The following ANGPT1 variants were observed in gnomAD, a reference collection of about 807,000 sequenced individuals.
ANGPT1 encodes angiopoietin 1.
ANGPT1 carries 17 observed loss-of-function variants against 62.2 expected under a neutral mutation model. That is an observed-to-expected ratio of 0.27 (90% CI 0.19 to 0.41). The LOEUF is 0.41. Among genes scored for constraint, ANGPT1 ranks in the 10% least tolerant of loss-of-function variants. The pLI is 1.00. For synonymous variants in ANGPT1, 199 were observed against 198.9 expected, an observed-to-expected ratio of 1.00 and a Z score of 0.00; for missense variants, 478 against 594.9, an observed-to-expected ratio of 0.80 and a Z score of 2.04.
chr8:107,375,022 T>G (rs1816500293), intron 1 of ANGPT1, among the ~76,000 whole-genome samples: 1 of 152,016 alleles, frequency 6.6e-6, no homozygotes, highest in African/African-American at 2.4e-5. Context: ...CAGCTGGGCG[T>G]GGTGGCACGC....
intron 1 of ANGPT1, among the ~76,000 whole-genome samples, chr8:107,416,086 G>A (rs1810735071): frequency 6.6e-6 from 1 of 152,052 alleles, no homozygotes; most frequent in Non-Finnish European, 1.5e-5. Context: ...CATATACCAA[G>A]CAATCAATCA....
intron 1 of ANGPT1, among the ~76,000 whole-genome samples, chr8:107,486,910 G>A (rs1167801642): frequency 2.0e-5 from 3 of 152,264 alleles, no homozygotes; most frequent in African/African-American, 4.8e-5. Flanking sequence ...CATCTTCCTA[G>A]TACCTTGCAG....
At chr8:107,424,131 G>A (rs1202504507) in intron 1 of ANGPT1, among the ~76,000 whole-genome samples, 2 of 148,338 alleles carry the variant, frequency 1.3e-5, no homozygotes, top group African/African-American at 2.5e-5. Flanking sequence ...GTGAGCCACT[G>A]TGCCTGACCC....
At chr8:107,317,242 C>A (rs967949149) in intron 4 of ANGPT1, among the ~76,000 whole-genome samples, 1 of 152,218 alleles carries the variant, frequency 6.6e-6, no homozygotes, top group Non-Finnish European at 1.5e-5. Context: ...ATCTTTTCTT[C>A]TTCCCAGTAG....
intron 3 of ANGPT1, among the ~76,000 whole-genome samples, chr8:107,325,512 C>T (rs1475340424): frequency 1.3e-5 from 2 of 152,088 alleles, no homozygotes; most frequent in Non-Finnish European, 2.9e-5. Context: ...TTCTGAATTA[C>T]CATTTTGTAC....
chr8:107,326,883 G>C (rs1586226773), intron 3 of ANGPT1, among the ~76,000 whole-genome samples: 2 of 152,102 alleles, frequency 1.3e-5, no homozygotes, highest in African/African-American at 4.8e-5. Context: ...TAAGTTGTTA[G>C]ACTGGAAATC....
intron 4 of ANGPT1, among the ~76,000 whole-genome samples, chr8:107,315,632 C>A (rs1475158487): frequency 6.6e-6 from 1 of 151,928 alleles, no homozygotes; most frequent in East Asian, 1.9e-4. Flanking sequence ...CTATATTTTT[C>A]TTTCGGTCTC....
chr8:107,449,151 C>T (rs1004497302), intron 1 of ANGPT1, among the ~76,000 whole-genome samples: 30 of 152,044 alleles, frequency 2.0e-4, no homozygotes, highest in Non-Finnish European at 3.7e-4. Context: ...GATGCCTGTT[C>T]ATTTACTTGT....
chr8:107,266,064 A>G (rs1414144620), intron 7 of ANGPT1, among the ~76,000 whole-genome samples: 1 of 152,176 alleles, frequency 6.6e-6, no homozygotes, highest in Non-Finnish European at 1.5e-5. Flanking sequence ...CTAATGTTGA[A>G]TTATCACATA....
At chr8:107,272,487 G>A (rs1005413810) in intron 7 of ANGPT1, among the ~76,000 whole-genome samples, 1 of 151,894 alleles carries the variant, frequency 6.6e-6, no homozygotes, top group African/African-American at 2.4e-5. Context: ...TAGATAAAAT[G>A]AGCTTATCAA....
At chr8:107,370,340 AAAAGAAAG>A (rs71308727) in intron 1 of ANGPT1, among the ~76,000 whole-genome samples, 1,769 of 54,358 alleles carry the variant, frequency 0.033, 198 homozygotes, top group Middle Eastern at 0.1. Flanking sequence ...GAAAGAAAGA[AAAAGAAAG>A]AAAGAAAGAA....
At chr8:107,383,293 A>T (rs570058957) in intron 1 of ANGPT1, among the ~76,000 whole-genome samples, 1 of 152,264 alleles carries the variant, frequency 6.6e-6, no homozygotes, top group East Asian at 1.9e-4. Flanking sequence ...TTCAAAGCAG[A>T]GCTCCAAGAA....
At chr8:107,359,807 T>C (rs974460556) in intron 1 of ANGPT1, among the ~76,000 whole-genome samples, 2 of 152,218 alleles carry the variant, frequency 1.3e-5, no homozygotes, top group Admixed American at 1.3e-4. Context: ...AGTGACGATC[T>C]CTGGCTGACG....
At chr8:107,266,239 G>A (rs1563541131) in intron 7 of ANGPT1, among the ~76,000 whole-genome samples, 2 of 152,274 alleles carry the variant, frequency 1.3e-5, no homozygotes, top group South Asian at 4.1e-4. Flanking sequence ...AGGGAGTTCT[G>A]GGACATGTTA....
At chr8:107,383,233 G>T (rs1563597491) in intron 1 of ANGPT1, among the ~76,000 whole-genome samples, 1 of 152,084 alleles carries the variant, frequency 6.6e-6, no homozygotes, top group Admixed American at 6.6e-5. Flanking sequence ...GGCTCCTTTG[G>T]ACTTCATCTC....
At chr8:107,445,427 A>G (rs1291854202) in intron 1 of ANGPT1, among the ~76,000 whole-genome samples, 1 of 152,212 alleles carries the variant, frequency 6.6e-6, no homozygotes, top group Non-Finnish European at 1.5e-5. Flanking sequence ...TTCAAGAGTT[A>G]TAATTTTTAG....
intron 1 of ANGPT1, among the ~76,000 whole-genome samples, chr8:107,358,805 A>G (rs996885075): frequency 2.6e-5 from 4 of 152,190 alleles, no homozygotes; most frequent in African/African-American, 9.6e-5. Context: ...GGTTCTTATG[A>G]TCATGAAATG....
chr8:107,393,517 T>A (rs1357372161), intron 1 of ANGPT1, among the ~76,000 whole-genome samples: 2 of 151,980 alleles, frequency 1.3e-5, no homozygotes, highest in Non-Finnish European at 2.9e-5. Flanking sequence ...TTAAAAAAAA[T>A]TAGGGGGATG....
chr8:107,257,023 A>T (rs1332362026), intron 8 of ANGPT1, among the ~76,000 whole-genome samples: 1 of 151,864 alleles, frequency 6.6e-6, no homozygotes, highest in African/African-American at 2.4e-5. Flanking sequence ...CGCCTGGCTA[A>T]TTTTTGTATT....
Sources: allele counts gnomAD v4.1 joint callset (sites outside exome capture counted in the v4.1 genomes callset), GRCh38; gene constraint gnomAD v4.1.1; transcripts MANE v1.5; gene names NCBI Gene and HGNC (gene_info 2026-07-23, HGNC 2026-07-21).